The following ERC2 variants were observed in gnomAD, a reference collection of about 807,000 sequenced individuals.
ERC2 encodes the protein ELKS/RAB6-interacting/CAST family member 2.
Under a neutral mutation model 114.8 loss-of-function variants are expected in ERC2, and 42 were observed. The observed-to-expected ratio is 0.37, with a 90% CI of 0.29 to 0.47. The LOEUF (loss-of-function observed/expected upper bound fraction) is 0.47. Ranked by LOEUF, ERC2 falls within the 20% of genes least tolerant of loss-of-function variation. The probability of loss-of-function intolerance (pLI) is 0.99; values close to 1 mark genes in which losing one functional copy is unlikely to be tolerated. For missense variants in ERC2, 939 were observed against 1,150.7 expected, an observed-to-expected ratio of 0.82 and a Z score of 2.66; for synonymous variants, 454 against 425.5, an observed-to-expected ratio of 1.07 and a Z score of -0.82.
At chr3:55,829,291 G>C (rs919599469) in intron 14 of ERC2, among the ~76,000 whole-genome samples, 16 of 152,190 alleles carry the variant, frequency 1.1e-4, no homozygotes, top group East Asian at 5.8e-4. Flanking sequence ...CTAAGATAAA[G>C]ATTGATACAT....
chr3:55,711,303 A>C (rs1485270553), intron 15 of ERC2, among the ~76,000 whole-genome samples: 3 of 152,224 alleles, frequency 2.0e-5, no homozygotes, highest in Non-Finnish European at 4.4e-5. Flanking sequence ...GTTATGAAAA[A>C]TTAAAGAGTA....
chr3:56,243,729 G>A (rs2051479484), intron 3 of ERC2, among the ~76,000 whole-genome samples: 1 of 152,164 alleles, frequency 6.6e-6, no homozygotes, highest in Admixed American at 6.5e-5. Flanking sequence ...CACAAAGATA[G>A]ACAGGTGCAG....
intron 7 of ERC2, among the ~76,000 whole-genome samples, chr3:56,073,580 CAGATGCAA>C (rs1337914050): frequency 1.3e-5 from 2 of 152,200 alleles, no homozygotes; most frequent in Admixed American, 1.3e-4. Flanking sequence ...TTCCTGGCTT[CAGATGCAA>C]AGTGAGTTTG....
chr3:56,094,383 CTTTCAGGGCT>C (rs1314160956), intron 6 of ERC2, among the ~76,000 whole-genome samples: 1 of 152,122 alleles, frequency 6.6e-6, no homozygotes, highest in Non-Finnish European at 1.5e-5. Context: ...AACAGTGGAG[CTTTCAGGGCT>C]CAGAGACCTA....
chr3:56,063,427 AAATT>A (rs1238599729), intron 7 of ERC2, among the ~76,000 whole-genome samples: 1 of 152,254 alleles, frequency 6.6e-6, no homozygotes, highest in Non-Finnish European at 1.5e-5. Flanking sequence ...AGCTCTTAAA[AAATT>A]GAGGAGTTTA....
rs922824768 is a variant in ERC2, at chr3:55,759,291, A to G, written c.2565-24373T>C. On this transcript the variant is annotated intron_variant, in intron 14 of 17. Transcript: ENST00000288221. ...TACAATCATCTTACAATTTTAAAAA[A>G]CAGCTTTCTAGATTCTTCGCAAATA... Among the ~76,000 whole-genome samples the G allele has an allele frequency of 6.6e-5, 10 of 152,206 alleles. No individual in the cohort carries two copies. The South Asian group carries it at 1.0e-3, about 16-fold the overall frequency.
At chr3:56,402,084 G>A (rs56378533) in intron 2 of ERC2, among the ~76,000 whole-genome samples, 6,763 of 152,084 alleles carry the variant, frequency 0.044, 375 homozygotes, top group African/African-American at 0.13. Context: ...CAGTATAGGG[G>A]AACCACCCCC....
At chr3:55,722,095 G>A (rs1053150288) in intron 15 of ERC2, among the ~76,000 whole-genome samples, 3 of 152,112 alleles carry the variant, frequency 2.0e-5, no homozygotes, top group Non-Finnish European at 4.4e-5. Flanking sequence ...TAAAGTTATA[G>A]TCTTTTTGCC....
At chr3:56,153,400 A>G (rs1034440375) in intron 4 of ERC2, among the ~76,000 whole-genome samples, 5 of 152,062 alleles carry the variant, frequency 3.3e-5, no homozygotes, top group African/African-American at 1.2e-4. Flanking sequence ...CCAAATCCAT[A>G]TTTTCACAAG....
intron 3 of ERC2, among the ~76,000 whole-genome samples, chr3:56,220,125 G>A (rs1436114331): frequency 6.6e-6 from 1 of 152,130 alleles, no homozygotes; most frequent in Non-Finnish European, 1.5e-5. Context: ...ATTGCCTTCT[G>A]TTTATCCCCT....
chr3:56,313,265 T>C (rs972493897), intron 2 of ERC2, among the ~76,000 whole-genome samples: 106 of 151,654 alleles, frequency 7.0e-4, no homozygotes, highest in African/African-American at 2.4e-3. Flanking sequence ...AAGTTTTAAA[T>C]TAGACAGTCG....
intron 3 of ERC2, among the ~76,000 whole-genome samples, chr3:56,228,540 A>T (rs572494050): frequency 6.6e-6 from 1 of 152,288 alleles, no homozygotes; most frequent in South Asian, 2.1e-4. Context: ...ACTTCCTTCC[A>T]TTTTAAGTCT....
At chr3:55,575,124 C>T (rs1286748785) in intron 17 of ERC2, among the ~76,000 whole-genome samples, 2 of 152,254 alleles carry the variant, frequency 1.3e-5, no homozygotes, top group Non-Finnish European at 2.9e-5. Context: ...AAGTGATTCT[C>T]ATGCCTCAGC....
chr3:56,420,010 T>C (rs574044235), intron 2 of ERC2, among the ~76,000 whole-genome samples: 2 of 152,264 alleles, frequency 1.3e-5, no homozygotes, highest in East Asian at 3.9e-4. Context: ...CATAGGCTTA[T>C]TGATTTCTAT....
chr3:55,839,477 A>G (rs1225284715), intron 14 of ERC2, among the ~76,000 whole-genome samples: 1 of 151,930 alleles, frequency 6.6e-6, no homozygotes, highest in Admixed American at 6.6e-5. Context: ...GCCATTTAAA[A>G]CAAACCTAAT....
At chr3:55,518,286 A>G (rs759199323) in intron 17 of ERC2, among the ~76,000 whole-genome samples, 5 of 152,198 alleles carry the variant, frequency 3.3e-5, no homozygotes, top group Non-Finnish European at 7.3e-5. Flanking sequence ...GCATCTACCA[A>G]CCTATATAAG....
intron 12 of ERC2, among the ~76,000 whole-genome samples, chr3:55,955,445 G>T (rs2067889211): frequency 6.6e-6 from 1 of 151,988 alleles, no homozygotes; most frequent in Non-Finnish European, 1.5e-5. Context: ...TATTTATATG[G>T]ATTTCTTTTG....
chr3:56,083,320 A>G (rs1394532847), intron 6 of ERC2, among the ~76,000 whole-genome samples: 1 of 152,182 alleles, frequency 6.6e-6, no homozygotes, highest in East Asian at 1.9e-4. Flanking sequence ...CTGTGTTTCC[A>G]TTTCTGTGAA....
chr3:55,890,939 C>T (rs922002), intron 13 of ERC2, among the ~76,000 whole-genome samples: 51,120 of 152,058 alleles, frequency 0.34, 9,993 homozygotes, highest in African/African-American at 0.53. Flanking sequence ...ACTATACCCT[C>T]GGAATCTCAG....
Sources: allele counts gnomAD v4.1 joint callset (sites outside exome capture counted in the v4.1 genomes callset), GRCh38; gene constraint gnomAD v4.1.1; transcripts MANE v1.5; gene names NCBI Gene and HGNC (gene_info 2026-07-23, HGNC 2026-07-21).